HNF1B: variants seen among roughly 807,000 people sequenced by gnomAD.
HNF1B encodes HNF1 homeobox B.
In HNF1B, 8 loss-of-function variants were observed where a neutral mutation model predicts 61.7. The ratio of observed to expected loss-of-function variants is 0.13; its 90% CI spans 0.08 to 0.23. The LOEUF is 0.23. Among genes scored for constraint, HNF1B ranks in the 10% least tolerant of loss-of-function variants. The pLI is 1.00. For missense variants in HNF1B, 562 were observed against 714.5 expected (o/e 0.79, Z 2.43); for synonymous variants, 314 against 287.7 (o/e 1.09, Z -0.93).
chr17:37,723,079 G>C (rs1006631643), intron 4 of HNF1B, among the ~76,000 whole-genome samples: 20 of 151,740 alleles, frequency 1.3e-4, no homozygotes, highest in South Asian at 6.3e-4. Context: ...GTGGCTCACG[G>C]CTGTAATCCC....
intron 6 of HNF1B, among the ~76,000 whole-genome samples, chr17:37,702,163 A>G (rs903435730): frequency 3.3e-5 from 5 of 152,118 alleles, no homozygotes; most frequent in African/African-American, 1.2e-4. Context: ...TTGGGGGAAG[A>G]ATGGGATGAA....
intron 4 of HNF1B, among the ~76,000 whole-genome samples, chr17:37,715,589 C>G (rs929368945): frequency 2.6e-5 from 4 of 152,152 alleles, no homozygotes; most frequent in African/African-American, 9.7e-5. Context: ...CCTCAAACAT[C>G]CACCAGCCGC....
intron 6 of HNF1B, among the ~76,000 whole-genome samples, chr17:37,704,146 C>T (rs2032662256): frequency 6.6e-6 from 1 of 152,212 alleles, no homozygotes; most frequent in Non-Finnish European, 1.5e-5. Context: ...TACTCATCAA[C>T]ATTAAAACTC....
rs75979306 is a variant in HNF1B, at chr17:37,739,867, G to C, written c.345-228C>G. 0.06 allele frequency among the ~76,000 whole-genome samples: 9,112 copies of C among 152,190 alleles called. 409 individuals carry two copies. The highest frequency in any genetic ancestry group is 0.21 in the Middle Eastern group (63 of 294). On this transcript the variant is annotated intron_variant, in intron 1 of 8. Coordinates refer to ENST00000617811, the MANE Select transcript of HNF1B (RefSeq NM_000458.4). ...TTTCTTCTGAGGTTAGTGGGCAAAA[G>C]AGGACTTCCCATCTTCAGGAATAAA... is the stretch of plus-strand genomic sequence containing the variant.
chr17:37,713,483 A>C (rs1397611751), intron 4 of HNF1B, among the ~76,000 whole-genome samples: 3 of 152,214 alleles, frequency 2.0e-5, no homozygotes, highest in African/African-American at 7.2e-5. Flanking sequence ...TGTGGTTTTT[A>C]TACTTTGTTT....
chr17:37,692,103 A>T (rs1198040641), intron 8 of HNF1B, among the ~76,000 whole-genome samples: 1 of 152,190 alleles, frequency 6.6e-6, no homozygotes, highest in African/African-American at 2.4e-5. Flanking sequence ...ACTTGCCAGC[A>T]CCCAAGAGTT....
At chr17:37,726,557 A>T (rs2033504782) in intron 4 of HNF1B, among the ~76,000 whole-genome samples, 1 of 152,174 alleles carries the variant, frequency 6.6e-6, no homozygotes. Context: ...AACAGCATTC[A>T]CATAGGTACC....
chr17:37,718,350 G>A (rs745410939), intron 4 of HNF1B, among the ~76,000 whole-genome samples: 42 of 152,306 alleles, frequency 2.8e-4, no homozygotes, highest in Non-Finnish European at 4.7e-4. Context: ...ACATCAGGCA[G>A]TTTGCAATGA....
At chr17:37,710,172 GGA>G (rs1568645076) in intron 5 of HNF1B, among the ~76,000 whole-genome samples, 1 of 152,074 alleles carries the variant, frequency 6.6e-6, no homozygotes, top group Non-Finnish European at 1.5e-5. Flanking sequence ...TTGGGGGGAG[GGA>G]TGAATGAACA....
intron 7 of HNF1B, 134 bp from the exon 8 acceptor site, chr17:37,699,328 C>G (rs1936017732): frequency 2.7e-6 from 2 of 750,004 alleles, no homozygotes; most frequent in African/African-American, 3.4e-5. Flanking sequence ...GGGGATTTCT[C>G]ATATTAGTTA....
At chr17:37,698,977 A>T in intron 8 of HNF1B, 99 bp downstream of exon 8, 1 of 919,712 alleles carries the variant, frequency 1.1e-6, no homozygotes, top group Non-Finnish European at 1.8e-6. Context: ...AGAAGGACCT[A>T]ATTTCTGGCC....
chr17:37,744,207 C>A (rs2034092279), intron 1 of HNF1B, among the ~76,000 whole-genome samples: 1 of 152,254 alleles, frequency 6.6e-6, no homozygotes, highest in Admixed American at 6.5e-5. Context: ...GGTTTCACTG[C>A]ACCCACTCGC....
chr17:37,723,294 C>A (rs2033384244), intron 4 of HNF1B, among the ~76,000 whole-genome samples: 1 of 151,942 alleles, frequency 6.6e-6, no homozygotes, highest in Admixed American at 6.5e-5. Context: ...TTGCAGTGAG[C>A]CGAGATCGCG....
intron 8 of HNF1B, 21 bp downstream of exon 8, chr17:37,699,055 C>T (rs375700762): frequency 1.5e-4 from 243 of 1,576,928 alleles, no homozygotes; most frequent in Middle Eastern, 1.0e-3. Context: ...CCCCAACCCC[C>T]GCAAATCCTG....
chr17:37,693,966 C>T (rs2032291780), intron 8 of HNF1B, among the ~76,000 whole-genome samples: 1 of 152,230 alleles, frequency 6.6e-6, no homozygotes, highest in Non-Finnish European at 1.5e-5. Context: ...TGACTGTAAG[C>T]TTCCTAAGGC....
At chr17:37,712,033 G>A (rs77113866) in intron 4 of HNF1B, among the ~76,000 whole-genome samples, 1 of 152,320 alleles carries the variant, frequency 6.6e-6, no homozygotes, top group East Asian at 1.9e-4. Context: ...GTTTTCCTTG[G>A]ATCTTCCTAA....
At chr17:37,741,952 T>C (rs2034004118) in intron 1 of HNF1B, among the ~76,000 whole-genome samples, 1 of 152,198 alleles carries the variant, frequency 6.6e-6, no homozygotes, top group Non-Finnish European at 1.5e-5. Flanking sequence ...GACCCCAAAA[T>C]TCACGTGTGT....
At position 37,710,600 on chromosome 17, in the gene HNF1B, C is replaced by T. The variant is rs2032901588; in HGVS notation, c.1109G>A (p.Gly370Asp). 4 of 1,613,702 alleles carry T rather than the reference C, an allele frequency of 2.5e-6. No individual in the cohort carries two copies. Among genetic ancestry groups the T allele is most frequent in the Non-Finnish European group, 3.4e-6 (4 of 1,179,996 alleles). The change falls in exon 5 of 9, where the codon GGC (glycine) becomes GAC (aspartate). Residue 370 changes from glycine (G) to aspartate (D), a missense_variant. By Grantham distance (94) the Gly-to-Asp change is moderately conservative. Coordinates refer to ENST00000617811, the MANE Select transcript of HNF1B (RefSeq NM_000458.4). ...CTGGCTGGTCACCATGGCGCTGTTGCCATGGTGACTGATTGTTGAGGAGGA... is the reference window on the plus strand; with the variant it reads ...CTGGCTGGTCACCATGGCGCTGTTGTCATGGTGACTGATTGTTGAGGAGGA... ...ITSSSTISHHGNSAMVTSQSV... is the reference protein window; with the variant it reads ...ITSSSTISHHDNSAMVTSQSV...
chr17:37,700,985 T>C lies in HNF1B; in HGVS notation c.1532A>G (p.His511Arg). The C allele has an allele frequency of 6.4e-7, 1 of 1,555,606 alleles. No homozygotes were observed. Residue 511 changes from histidine (H) to arginine (R), a missense_variant and splice_region_variant, in exon 7 of 9, where the codon CAC (histidine) becomes CGC (arginine). Physicochemically the swap from His to Arg is conservative, Grantham distance 29 (BLOSUM62 0). Transcript: ENST00000617811. ...MAAVTQLQNS[H>R]MYAHKQEPPQ... is the part of the protein sequence containing the mutation. ...CCTCCACATGCCCGTGTCCTTACTG[T>C]GTGAGTTCTGCAGCTGAGTCACAGC...
Sources: allele counts gnomAD v4.1 joint callset (sites outside exome capture counted in the v4.1 genomes callset), GRCh38; gene constraint gnomAD v4.1.1; transcripts MANE v1.5; gene names NCBI Gene and HGNC (gene_info 2026-07-23, HGNC 2026-07-21).